LYG2: variants seen among roughly 807,000 people sequenced by gnomAD.
LYG2 encodes lysozyme g2.
A neutral mutation model predicts 22.4 loss-of-function variants in LYG2; 25 were observed. The observed-to-expected ratio is 1.12, with a 90% CI of 0.81 to 1.56. LYG2 has a LOEUF of 1.56. Among genes scored for constraint, LYG2 ranks in the 40% most tolerant of loss-of-function variants. The pLI is 0.00. For synonymous variants in LYG2, 88 were observed against 97.0 expected (o/e 0.91, Z 0.55); for missense variants, 266 against 269.5 (o/e 0.99, Z 0.09).
chr2:99,242,449 G>A lies in LYG2; in HGVS notation c.554C>T (p.Ala185Val), dbSNP rs748768765. 2.7e-5 allele frequency: 43 copies of A among 1,612,316 alleles called. No homozygotes were observed. In the East Asian group the frequency reaches 2.7e-4, roughly 10 times the overall value. ...GLSAFKSGIEAIATPSDIDND... is the reference protein window; with the variant it reads ...GLSAFKSGIEVIATPSDIDND... ...GTCTATGTCCGATGGGGTGGCAATCGCTTCAATTCCTGACTTAAAAGCTGA... is the reference window on the plus strand; with the variant it reads ...GTCTATGTCCGATGGGGTGGCAATCACTTCAATTCCTGACTTAAAAGCTGA... Residue 185 changes from alanine to valine, a missense_variant, in exon 7 of 7, where the codon GCG becomes GTG. By Grantham distance (64) the Ala-to-Val change is moderately conservative. Coordinates refer to ENST00000333017, the MANE Select transcript of LYG2 (RefSeq NM_175735.4).
intron 6 of LYG2, 147 bp downstream of exon 6, chr2:99,243,852 C>T (rs2094010935): frequency 1.2e-6 from 1 of 827,782 alleles, no homozygotes; most frequent in African/African-American, 1.7e-5. Context: ...CTCAGTGGTT[C>T]AGGGAATGCA....
chr2:99,258,057 C>T (rs184108931), upstream of LYG2, among the ~76,000 whole-genome samples: 5 of 152,284 alleles, frequency 3.3e-5, no homozygotes, highest in African/African-American at 4.8e-5. Flanking sequence ...TTGGTCCCCT[C>T]GCCCTCTGCG....
chr2:99,252,839 G>T (rs1271094428), intron 3 of LYG2, among the ~76,000 whole-genome samples: 4 of 151,944 alleles, frequency 2.6e-5, no homozygotes, highest in African/African-American at 9.7e-5. Flanking sequence ...GAGGTCAGGA[G>T]ATCAAGACCA....
rs539653410 is a variant in LYG2 at position 99,250,603 on chromosome 2, T to A, written c.43+3615A>T. On this transcript the variant is annotated intron_variant, in intron 3 of 6. Coordinates refer to ENST00000333017, the MANE Select transcript of LYG2 (RefSeq NM_175735.4). ...GTTAGCCAGGATGGTCTCGATCTGC[T>A]GACCTTGTGATCCGCCCACCTTGGC... is the stretch of plus-strand genomic sequence containing the variant. 3.3e-5 allele frequency among the ~76,000 whole-genome samples: 5 copies of A among 152,182 alleles called. No individual in the cohort carries two copies. The East Asian group carries it at 7.7e-4, about 23-fold the overall frequency.
intron 4 of LYG2, among the ~76,000 whole-genome samples, chr2:99,245,968 C>T (rs554302401): frequency 5.3e-4 from 80 of 152,244 alleles, no homozygotes; most frequent in Non-Finnish European, 1.0e-3. Flanking sequence ...ATTAGCTGGA[C>T]TTGGTGGCAG....
chr2:99,254,086 A>T, intron 3 of LYG2, 132 bp downstream of exon 3: 1 of 796,430 alleles, frequency 1.3e-6, no homozygotes. Flanking sequence ...ATAGTTGATT[A>T]ATGGCCAAGC....
At chr2:99,260,977 C>T in the LYG2 span, among the ~76,000 whole-genome samples, 2 of 152,032 alleles carry the variant, frequency 1.3e-5, no homozygotes, top group Admixed American at 6.5e-5. Context: ...AAAAGCTACC[C>T]GGTAGAATTG....
chr2:99,260,248 C>T (rs2094044861), upstream of LYG2, among the ~76,000 whole-genome samples: 1 of 152,192 alleles, frequency 6.6e-6, no homozygotes, highest in Non-Finnish European at 1.5e-5. Context: ...CAGGCATGAG[C>T]CACCGTGCCC....
At chr2:99,250,740 TG>T (rs1342063900) in intron 3 of LYG2, among the ~76,000 whole-genome samples, 1 of 152,176 alleles carries the variant, frequency 6.6e-6, no homozygotes, top group Non-Finnish European at 1.5e-5. Flanking sequence ...GGAGAGGTTG[TG>T]AGGAAATAGG....
At chr2:99,250,627 G>A (rs1157870570) in intron 3 of LYG2, among the ~76,000 whole-genome samples, 1 of 152,160 alleles carries the variant, frequency 6.6e-6, no homozygotes, top group Non-Finnish European at 1.5e-5. Context: ...GCCCACCTTG[G>A]CCTCCCAAAG....
intron 3 of LYG2, among the ~76,000 whole-genome samples, chr2:99,253,642 C>T (rs2094031126): frequency 6.6e-6 from 1 of 152,124 alleles, no homozygotes; most frequent in Non-Finnish European, 1.5e-5. Flanking sequence ...CCAGACCACA[C>T]TGACCCAAAG....
chr2:99,245,452 C>A lies in LYG2; in HGVS notation c.191G>T (p.Arg64Leu). 1 of 1,592,352 alleles carries A rather than the reference C, an allele frequency of 6.3e-7. No individual in the cohort carries two copies. Among genetic ancestry groups the A allele is most frequent in the Non-Finnish European group, 8.6e-7 (1 of 1,164,490 alleles). The change falls in exon 5 of 7, where the codon CGT becomes CTT. Residue 64 changes from arginine to leucine, a missense_variant. Transcript: ENST00000333017. ...DANSVMNCGI[R>L]GSEMFAEMDL... is the part of the protein sequence containing the mutation. The stretch of plus-strand genomic sequence containing the variant: ...CATCTCAGCAAACATTTCAGAACCA[C>A]GGATCCCTACGTCAATAGAAAAGAA...
upstream of LYG2, among the ~76,000 whole-genome samples, chr2:99,257,404 G>T (rs1236503441): frequency 6.6e-6 from 1 of 152,146 alleles, no homozygotes; most frequent in East Asian, 1.9e-4. Context: ...ACTCTTAACT[G>T]CAGTACCCTA....
upstream of LYG2, among the ~76,000 whole-genome samples, chr2:99,256,703 CCTT>C (rs545236575): frequency 2.9e-3 from 448 of 152,292 alleles, 4 homozygotes; most frequent in African/African-American, 0.01. Context: ...GAATACTTAT[CCTT>C]CTGCTCTCAG....
At chr2:99,256,657 T>G (rs1458259526), upstream of LYG2, among the ~76,000 whole-genome samples, 1 of 152,234 alleles carries the variant, frequency 6.6e-6, no homozygotes, top group Non-Finnish European at 1.5e-5. Flanking sequence ...AAGAAGACAT[T>G]GTTAATAAAA....
At chr2:99,245,568 G>T in intron 4 of LYG2, 110 bp from the exon 5 acceptor site, 3 of 410,822 alleles carry the variant, frequency 7.3e-6, no homozygotes, top group Non-Finnish European at 1.2e-5. Flanking sequence ...CCCAGGAGGA[G>T]TTCGAAACCA....
upstream of LYG2, among the ~76,000 whole-genome samples, chr2:99,257,393 A>G (rs2105277415): frequency 6.6e-6 from 1 of 152,316 alleles, no homozygotes; most frequent in Admixed American, 6.5e-5. Context: ...TCTGAAGCCT[A>G]ACTCTTAACT....
At chr2:99,247,936 C>T (rs2094019188) in intron 3 of LYG2, among the ~76,000 whole-genome samples, 1 of 152,174 alleles carries the variant, frequency 6.6e-6, no homozygotes. Context: ...TGAACAGACA[C>T]TTCTCAAAAG....
chr2:99,251,339 A>G (rs907711204), intron 3 of LYG2, among the ~76,000 whole-genome samples: 12 of 152,238 alleles, frequency 7.9e-5, no homozygotes, highest in Non-Finnish European at 8.8e-5. Context: ...ATATAAGTCT[A>G]TACCACTACA....
Sources: gnomAD v4.1 joint callset for allele counts (sites outside exome capture counted in the v4.1 genomes callset) on GRCh38, gnomAD v4.1.1 for gene constraint, MANE v1.5 for transcripts, NCBI Gene and HGNC (gene_info 2026-07-23, HGNC 2026-07-21) for gene names.